Variants in ZNF398 observed in about 807,000 individuals in gnomAD.
The protein encoded by ZNF398 is zinc finger protein 398, also known as zinc finger DNA binding protein ZER6.
ZNF398 carries 18 observed loss-of-function variants against 41.9 expected under a neutral mutation model. The ratio of observed to expected loss-of-function variants is 0.43; its 90% CI spans 0.30 to 0.64. The LOEUF (loss-of-function observed/expected upper bound fraction) is 0.64. Ranked by LOEUF, ZNF398 falls within the 30% of genes least tolerant of loss-of-function variation. The pLI, the probability that ZNF398 is intolerant of heterozygous loss-of-function variation, is 0.14. For synonymous variants in ZNF398, 260 were observed against 308.8 expected, an observed-to-expected ratio of 0.84 and a Z score of 1.66; for missense variants, 669 against 822.8, an observed-to-expected ratio of 0.81 and a Z score of 2.29.
chr7:149,155,730 A>ATTTTTTTTTTTTT (rs148643688), intron 2 of ZNF398, among the ~76,000 whole-genome samples: 2 of 92,392 alleles, frequency 2.2e-5, no homozygotes, highest in African/African-American at 4.3e-5. Context: ...TTTTTTTTTT[A>ATTTTTTTTTTTTT]ATTTTTTTTT....
At chr7:149,171,739 C>T (rs1384814142) in intron 4 of ZNF398, among the ~76,000 whole-genome samples, 1 of 152,044 alleles carries the variant, frequency 6.6e-6, no homozygotes, top group Non-Finnish European at 1.5e-5. Context: ...GTGGTGTGAT[C>T]TTGGCTCACT....
intron 2 of ZNF398, among the ~76,000 whole-genome samples, chr7:149,161,466 GA>G (rs1406028363): frequency 6.6e-6 from 1 of 152,200 alleles, no homozygotes; most frequent in African/African-American, 2.4e-5. Flanking sequence ...TCAGGAAGCT[GA>G]AATCGGAGGA....
At chr7:149,170,640 C>T (rs550225017) in intron 4 of ZNF398, among the ~76,000 whole-genome samples, 3 of 152,000 alleles carry the variant, frequency 2.0e-5, no homozygotes, top group South Asian at 4.2e-4. Context: ...GAGGCCAAGG[C>T]AGGAGAATTG....
At chr7:149,158,048 C>T (rs1302378344) in intron 2 of ZNF398, among the ~76,000 whole-genome samples, 1 of 152,092 alleles carries the variant, frequency 6.6e-6, no homozygotes, top group Non-Finnish European at 1.5e-5. Context: ...TGCCATTGCA[C>T]TCCAGTCTGG....
chr7:149,165,450 G>A (rs1288409333), intron 2 of ZNF398, among the ~76,000 whole-genome samples: 1 of 152,222 alleles, frequency 6.6e-6, no homozygotes, highest in Non-Finnish European at 1.5e-5. Context: ...GAAAACAATT[G>A]AAGAGATGGC....
chr7:149,160,148 T>C (rs1179993012), intron 2 of ZNF398, among the ~76,000 whole-genome samples: 2 of 152,158 alleles, frequency 1.3e-5, no homozygotes, highest in African/African-American at 4.8e-5. Flanking sequence ...AAAAAAATCC[T>C]CTTTTCTAGG....
Position 149,168,072 on chromosome 7 carries a change from G to A in ZNF398, c.661+1142G>A, listed in dbSNP as rs182697927. On this transcript the variant is annotated intron_variant, in intron 4 of 5. Coordinates refer to ENST00000475153, the MANE Select transcript of ZNF398 (RefSeq NM_170686.3). The stretch of plus-strand genomic sequence containing the variant: ...ACTGCATCACTCCATCCAGCCATCC[G>A]TCTATTATTTATTTATTTATTTTGG... Among the ~76,000 whole-genome samples the A allele has an allele frequency of 9.9e-5, 15 of 151,948 alleles. No homozygotes were observed. In the East Asian group the frequency reaches 1.5e-3, roughly 16 times the overall value.
chr7:149,173,785 C>CTTTTTTTTTTTTTTTTT (rs528703910), intron 4 of ZNF398, among the ~76,000 whole-genome samples: 1 of 71,590 alleles, frequency 1.4e-5, no homozygotes, highest in Non-Finnish European at 2.7e-5. Context: ...TAGCATAATT[C>CTTTTTTTTTTTTTTTTT]TTTTTTTTTT....
At chr7:149,139,192 AAGCCACTGCGCCC>A (rs1826773318) in intron 2 of ZNF398, among the ~76,000 whole-genome samples, 2 of 152,104 alleles carry the variant, frequency 1.3e-5, no homozygotes, top group South Asian at 4.2e-4. Context: ...TTATAGGCAC[AAGCCACTGCGCCC>A]AGCCAATTTT....
intron 2 of ZNF398, among the ~76,000 whole-genome samples, chr7:149,130,968 A>C (rs1453626542): frequency 6.6e-6 from 1 of 152,188 alleles, no homozygotes. Flanking sequence ...GGGTTAGGCA[A>C]TCATGATGGG....
At chr7:149,131,816 G>A (rs114453354) in intron 2 of ZNF398, among the ~76,000 whole-genome samples, 150 of 152,116 alleles carry the variant, frequency 9.9e-4, no homozygotes, top group Middle Eastern at 3.4e-3. Flanking sequence ...TTGAAGTAGC[G>A]GGGAGGGTTT....
At chr7:149,161,659 G>C (rs1795106482) in intron 2 of ZNF398, among the ~76,000 whole-genome samples, 1 of 152,148 alleles carries the variant, frequency 6.6e-6, no homozygotes, top group South Asian at 2.1e-4. Flanking sequence ...GGCAGGATGA[G>C]TACATAAAGT....
At chr7:149,148,243 G>A (rs1827010904) in intron 1 of ZNF398, 1 of 166,712 alleles carries the variant, frequency 6.0e-6, no homozygotes, top group African/African-American at 2.4e-5. Flanking sequence ...CCGGACTCGG[G>A]ACACGCGGGA....
At chr7:149,134,600 ACT>A (rs1328593175) in intron 2 of ZNF398, among the ~76,000 whole-genome samples, 2 of 151,940 alleles carry the variant, frequency 1.3e-5, no homozygotes, top group Non-Finnish European at 2.9e-5. Context: ...TATTTTTTCA[ACT>A]CTGAGTACTT....
intron 1 of ZNF398, among the ~76,000 whole-genome samples, chr7:149,127,389 TAAA>T (rs33912807): frequency 6.8e-6 from 1 of 146,528 alleles, no homozygotes; most frequent in African/African-American, 2.5e-5. Context: ...ATTAAAGGGT[TAAA>T]AAAAAAAAAC....
chr7:149,144,574 G>A (rs897165110), upstream of ZNF398, among the ~76,000 whole-genome samples: 6 of 151,650 alleles, frequency 4.0e-5, no homozygotes, highest in Non-Finnish European at 8.8e-5. Flanking sequence ...CTCCCACTGT[G>A]CTCGGCTACT....
chr7:149,157,815 C>A (rs1448036614), intron 2 of ZNF398, among the ~76,000 whole-genome samples: 1 of 123,058 alleles, frequency 8.1e-6, no homozygotes. Flanking sequence ...TCCAGCCTGG[C>A]GACAGAGTAA....
In ZNF398 at chr7:149,181,781, G is replaced by C. The variant is rs1231033957; in HGVS notation, c.*1980G>C. 2 of 152,186 alleles carry C rather than the reference G, an allele frequency of 1.3e-5. No homozygotes were observed. The highest frequency in any genetic ancestry group is 4.8e-5 in the African/African-American group (2 of 41,446). The allele number at this position is 152,186 out of a possible 1,614,324, so 9.4% of individuals were successfully genotyped here. Reference sequence around the variant, plus strand: ...GATGGGCAATACCCTAGCATATTGGGATTAAGAGCTTTCTAGCCAGAATCT... The same window carrying C: ...GATGGGCAATACCCTAGCATATTGGCATTAAGAGCTTTCTAGCCAGAATCT... On this transcript the variant is annotated 3_prime_UTR_variant, in exon 6 of 6. Transcript: ENST00000475153.
rs917502080 is a variant in ZNF398 at position 149,178,794 on chromosome 7, C to A, written c.922C>A (p.Pro308Thr). ...FKSQQSTSMT[P>T]FGRPATDLPE... ...AAGCCAGCAGTCTACATCCATGACA[C>A]CTTTTGGACGTCCAGCCACTGACCT... is the stretch of plus-strand genomic sequence containing the variant. The change falls in exon 6 of 6, where the codon CCT (proline) becomes ACT (threonine). Residue 308 changes from proline (P) to threonine (T), a missense_variant. Coordinates refer to ENST00000475153, the MANE Select transcript of ZNF398 (RefSeq NM_170686.3). 1.2e-6 allele frequency: 2 copies of A among 1,614,206 alleles called. No individual in the cohort carries two copies. The highest frequency in any genetic ancestry group is 1.7e-6 in the Non-Finnish European group (2 of 1,180,042).
Sources: allele counts gnomAD v4.1 joint callset (sites outside exome capture counted in the v4.1 genomes callset), GRCh38; gene constraint gnomAD v4.1.1; transcripts MANE v1.5; gene names NCBI Gene and HGNC (gene_info 2026-07-23, HGNC 2026-07-21).